Variants in PEX7 observed in about 807,000 individuals in gnomAD.
PEX7 encodes PTS2 receptor.
Under a neutral mutation model 47.5 loss-of-function variants are expected in PEX7, and 34 were observed. The observed-to-expected ratio is 0.72, with a 90% CI of 0.54 to 0.95. PEX7 has a LOEUF of 0.95. Ranked by LOEUF, PEX7 falls within the 40% of genes least tolerant of loss-of-function variation. The pLI, the probability that PEX7 is intolerant of heterozygous loss-of-function variation, is 0.00. For synonymous variants in PEX7, 141 were observed against 148.8 expected, an observed-to-expected ratio of 0.95 and a Z score of 0.38; for missense variants, 394 against 400.3, an observed-to-expected ratio of 0.98 and a Z score of 0.13.
chr6:136,909,700 T>C (rs1297102487), intron 9 of PEX7, among the ~76,000 whole-genome samples: 1 of 152,252 alleles, frequency 6.6e-6, no homozygotes, highest in Non-Finnish European at 1.5e-5. Flanking sequence ...TTTGAATTAA[T>C]CTATTCATAA....
At chr6:136,867,524 A>G (rs1436042224) in intron 6 of PEX7, among the ~76,000 whole-genome samples, 1 of 152,180 alleles carries the variant, frequency 6.6e-6, no homozygotes, top group Non-Finnish European at 1.5e-5. Flanking sequence ...ATTAAATAGA[A>G]AAAAGCTTAT....
In PEX7 at chr6:136,825,206, C is replaced by T. The variant is rs765917993; in HGVS notation, c.131-8C>T. Reference sequence around the variant, plus strand: ...CAAAGGGATGACCTTGATTTTTTTTCTCTTTAGGCTGTGGAACCCTACTAA... The same window carrying T: ...CAAAGGGATGACCTTGATTTTTTTTTTCTTTAGGCTGTGGAACCCTACTAA... On this transcript the variant is annotated splice_region_variant and splice_polypyrimidine_tract_variant and intron_variant, in intron 1 of 9. Coordinates refer to ENST00000318471, the MANE Select transcript of PEX7 (RefSeq NM_000288.4). The T allele has an allele frequency of 9.3e-6, 15 of 1,612,620 alleles. No individual in the cohort carries two copies. The South Asian group carries it at 1.5e-4, about 17-fold the overall frequency.
Position 136,861,468 on chromosome 6 carries a change from A to G in PEX7, c.527-5159A>G, listed in dbSNP as rs548369427. Among the ~76,000 whole-genome samples the G allele has an allele frequency of 3.9e-5, 6 of 152,346 alleles. 1 individual carries two copies. In the South Asian group the frequency reaches 8.3e-4, roughly 21 times the overall value. On this transcript the variant is annotated intron_variant, in intron 5 of 9. Coordinates refer to ENST00000318471, the MANE Select transcript of PEX7 (RefSeq NM_000288.4). The stretch of plus-strand genomic sequence containing the variant: ...TTGATCTTGAGACAATGCTATAGCT[A>G]TAGCAGAATTTATACTTTTAACCTA...
At chr6:136,822,972 G>A (rs1012735131) in intron 1 of PEX7, 177 bp downstream of exon 1, 3 of 985,374 alleles carry the variant, frequency 3.0e-6, no homozygotes, top group Non-Finnish European at 1.2e-6. Context: ...CGAGTGCGAG[G>A]AGTTGGTCTG....
intron 8 of PEX7, among the ~76,000 whole-genome samples, chr6:136,882,559 A>ATAG (rs1775396015): frequency 6.6e-6 from 1 of 151,462 alleles, no homozygotes; most frequent in Non-Finnish European, 1.5e-5. Flanking sequence ...AATAATAATA[A>ATAG]TAATAATAAT....
intron 8 of PEX7, among the ~76,000 whole-genome samples, chr6:136,878,809 T>A (rs1461100316): frequency 6.6e-6 from 1 of 152,194 alleles, no homozygotes; most frequent in East Asian, 1.9e-4. Flanking sequence ...TATGTTATGA[T>A]TATTATTTGT....
At position 136,900,272 on chromosome 6, in the gene PEX7, A is replaced by G; in HGVS notation, c.903+2031A>G. 1.2e-5 allele frequency: 2 copies of G among 173,044 alleles called. No individual in the cohort carries two copies. The highest frequency in any genetic ancestry group is 2.8e-4 in the South Asian group (2 of 7,186). The allele number at this position is 173,044 out of a possible 1,614,324, so 10.7% of individuals were successfully genotyped here. Reference sequence around the variant, plus strand: ...AGATGGTGATCTCAACCAGTATTTTAAACACAAACATTTGAGTTGTGTATA... The same window carrying G: ...AGATGGTGATCTCAACCAGTATTTTGAACACAAACATTTGAGTTGTGTATA... On this transcript the variant is annotated intron_variant, in intron 9 of 9. Coordinates refer to ENST00000318471, the MANE Select transcript of PEX7 (RefSeq NM_000288.4). This position sits in a 1 kb window ranked among gnomAD's most constrained non-coding sequence, Gnocchi z 4.2.
chr6:136,867,277 A>G (rs543950016), intron 6 of PEX7, among the ~76,000 whole-genome samples: 1 of 152,314 alleles, frequency 6.6e-6, no homozygotes, highest in South Asian at 2.1e-4. Flanking sequence ...ATATGTGTTA[A>G]TATACTACAG....
At chr6:136,865,338 G>T (rs1479327649) in intron 5 of PEX7, among the ~76,000 whole-genome samples, 2 of 152,020 alleles carry the variant, frequency 1.3e-5, no homozygotes, top group Admixed American at 6.6e-5. Context: ...CACTCTTGTT[G>T]TCTGGGTTGG....
At position 136,845,544 on chromosome 6, in the gene PEX7, G is replaced by A. The variant is rs927181; in HGVS notation, c.340-71G>A. The A allele has an allele frequency of 0.97, 843,515 of 865,334 alleles. 411,231 individuals are homozygous for A. The highest frequency in any genetic ancestry group is 1 in the East Asian group (41,458 of 41,462). 53.6% of individuals were successfully genotyped at this position (865,334 alleles called of 1,614,324 possible). A position where few individuals can be genotyped will look rare whatever the true frequency, so the allele number is the denominator to read the frequency against. ...TAGTTGTTCTGCCTCTCATTGTTATGTAACAAGAGATAAAATGCAATGTTG... is the reference window on the plus strand; with the variant it reads ...TAGTTGTTCTGCCTCTCATTGTTATATAACAAGAGATAAAATGCAATGTTG... On this transcript the variant is annotated intron_variant, in intron 3 of 9. Coordinates refer to ENST00000318471, the MANE Select transcript of PEX7 (RefSeq NM_000288.4).
rs1161873681 is a variant in PEX7, at chr6:136,825,287, T to C, written c.188+16T>C. The C allele has an allele frequency of 6.3e-7, 1 of 1,589,826 alleles. No individual in the cohort carries two copies. Among genetic ancestry groups the C allele is most frequent in the African/African-American group, 1.3e-5 (1 of 74,436 alleles). ...TTTTTAGAAGGTAAGGGGGCTGAAA[T>C]TATTAAAGGTATATATTGTTGCTAT... On this transcript the variant is annotated intron_variant, in intron 2 of 9. Coordinates refer to ENST00000318471, the MANE Select transcript of PEX7 (RefSeq NM_000288.4).
At position 136,862,034 on chromosome 6, in the gene PEX7, T is replaced by TTTA. The variant is rs1562742000; in HGVS notation, c.527-4592_527-4591insTAT. 1.6e-3 allele frequency among the ~76,000 whole-genome samples: 236 copies of TTTA among 143,640 alleles called. 4 individuals carry two copies. In the East Asian group the frequency reaches 0.031, roughly 19 times the overall value. 94.2% of individuals were successfully genotyped at this position (143,640 alleles called of 152,430 possible). A position where few individuals can be genotyped will look rare whatever the true frequency, so the allele number is the denominator to read the frequency against. The stretch of plus-strand genomic sequence containing the variant: ...TTTTCTGTATTTATATATATATATT[T>TTTA]TATATATATTATATATATATATATT... On this transcript the variant is annotated intron_variant, in intron 5 of 9. Coordinates refer to ENST00000318471, the MANE Select transcript of PEX7 (RefSeq NM_000288.4).
chr6:136,900,571 G>A lies in PEX7; in HGVS notation c.903+2330G>A. 2.4e-6 allele frequency: 1 copy of A among 408,960 alleles called. No homozygotes were observed. The highest frequency in any genetic ancestry group is 1.9e-5 in the South Asian group (1 of 53,702). The allele number at this position is 408,960 out of a possible 1,614,324, so 25.3% of individuals were successfully genotyped here. Reference sequence around the variant, plus strand: ...GTCTTCCGAGTTAATCTGTGTGAAGGTGATGGTGGTGTGGGTCATCCTGTG... The same window carrying A: ...GTCTTCCGAGTTAATCTGTGTGAAGATGATGGTGGTGTGGGTCATCCTGTG... On this transcript the variant is annotated intron_variant, in intron 9 of 9. Coordinates refer to ENST00000318471, the MANE Select transcript of PEX7 (RefSeq NM_000288.4). The surrounding 1 kb of genome is among the most constrained non-coding windows in gnomAD (Gnocchi z 4.2).
chr6:136,872,180 T>C lies in PEX7; in HGVS notation c.748-18T>C. The C allele has an allele frequency of 6.2e-7, 1 of 1,602,600 alleles. No individual in the cohort carries two copies. Among genetic ancestry groups the C allele is most frequent in the South Asian group, 1.1e-5 (1 of 89,956 alleles). On this transcript the variant is annotated intron_variant, in intron 7 of 9. Coordinates refer to ENST00000318471, the MANE Select transcript of PEX7 (RefSeq NM_000288.4). The stretch of plus-strand genomic sequence containing the variant: ...GCTGACTTCAAAAAGGGTTTTTTTT[T>C]TCTTTTTTTTTTTGTAGTTTTCACC...
At chr6:136,865,093 GTGTC>G (rs1383432384) in intron 5 of PEX7, among the ~76,000 whole-genome samples, 1 of 152,124 alleles carries the variant, frequency 6.6e-6, no homozygotes, top group Non-Finnish European at 1.5e-5. Flanking sequence ...ATTTAATTGG[GTGTC>G]TGTGCAATTA....
chr6:136,823,165 CG>C (rs1305152168), intron 1 of PEX7: 1 of 985,264 alleles, frequency 1.0e-6, no homozygotes, highest in Non-Finnish European at 1.2e-6. Context: ...CACAGCAGTA[CG>C]GGGAAGACGG....
intron 9 of PEX7, among the ~76,000 whole-genome samples, chr6:136,910,348 C>T (rs1434760513): frequency 6.6e-6 from 1 of 151,874 alleles, no homozygotes; most frequent in African/African-American, 2.4e-5. Flanking sequence ...GGAGATGATA[C>T]CTAAACTGAT....
rs1356458672 is a variant in PEX7 at position 136,838,306 on chromosome 6, A to C, written c.340-7309A>C. The stretch of plus-strand genomic sequence containing the variant: ...AGATCTAACTTCTAATTTAAAGGAA[A>C]TTGGAAGGGTAGAGAAAAAAGTTAA... On this transcript the variant is annotated intron_variant, in intron 3 of 9. Coordinates refer to ENST00000318471, the MANE Select transcript of PEX7 (RefSeq NM_000288.4). 5.9e-5 allele frequency among the ~76,000 whole-genome samples: 9 copies of C among 152,236 alleles called. No homozygotes were observed. The East Asian group carries it at 1.7e-3, about 29-fold the overall frequency.
At chr6:136,899,113 C>T (rs1483958398) in intron 9 of PEX7, among the ~76,000 whole-genome samples, 2 of 127,224 alleles carry the variant, frequency 1.6e-5, no homozygotes, top group Non-Finnish European at 3.2e-5. Flanking sequence ...CAGAGTTTCA[C>T]ACTGTCACCC....
Sources: allele counts gnomAD v4.1 joint callset (sites outside exome capture counted in the v4.1 genomes callset), GRCh38; gene constraint gnomAD v4.1.1; non-coding constraint Gnocchi (gnomAD v3.1); transcripts MANE v1.5; gene names NCBI Gene and HGNC (gene_info 2026-07-23, HGNC 2026-07-21).